The following GPC5 variants were observed in gnomAD, a reference collection of about 807,000 sequenced individuals.
GPC5 encodes the protein glypican-5.
Under a neutral mutation model 53.9 loss-of-function variants are expected in GPC5, and 47 were observed. That is an observed-to-expected ratio of 0.87 (90% CI 0.69 to 1.11). The LOEUF is 1.11. GPC5 is among the 50% of genes most tolerant of loss of function. The probability of loss-of-function intolerance (pLI) is 0.00; values close to 1 mark genes in which losing one functional copy is unlikely to be tolerated. For missense variants in GPC5, 748 were observed against 713.1 expected, an observed-to-expected ratio of 1.05 and a Z score of -0.56; for synonymous variants, 286 against 263.3, an observed-to-expected ratio of 1.09 and a Z score of -0.84.
At chr13:92,069,925 C>A (rs181215192) in intron 6 of GPC5, among the ~76,000 whole-genome samples, 267 of 152,216 alleles carry the variant, frequency 1.8e-3, no homozygotes, top group Middle Eastern at 0.014. Context: ...ATCCTTGAGA[C>A]CTGAATATGC....
chr13:92,792,712 C>CA (rs1278749514), intron 7 of GPC5, among the ~76,000 whole-genome samples: 1 of 151,662 alleles, frequency 6.6e-6, no homozygotes, highest in East Asian at 1.9e-4. Context: ...AAATGGAAAG[C>CA]AAAAAAAGCA....
chr13:92,676,676 T>C (rs1429746644), intron 7 of GPC5, among the ~76,000 whole-genome samples: 1 of 152,172 alleles, frequency 6.6e-6, no homozygotes, highest in East Asian at 1.9e-4. Context: ...AGACCGACAT[T>C]GAGCCTACCC....
At chr13:92,398,428 C>CAAAAAAAAAAAAAAAAAAAAAAAAAAAAA (rs35873316) in intron 7 of GPC5, among the ~76,000 whole-genome samples, 3 of 87,650 alleles carry the variant, frequency 3.4e-5, no homozygotes, top group African/African-American at 1.0e-4. Context: ...GACTCCGTCT[C>CAAAAAAAAAAAAAAAAAAAAAAAAAAAAA]AAAAAAAAAA....
chr13:92,742,992 G>A (rs1337378886), intron 7 of GPC5, among the ~76,000 whole-genome samples: 1 of 152,104 alleles, frequency 6.6e-6, no homozygotes, highest in Non-Finnish European at 1.5e-5. Context: ...TAGCCTTGTA[G>A]CATAGTTTGA....
intron 6 of GPC5, among the ~76,000 whole-genome samples, chr13:91,945,965 C>G (rs2039970824): frequency 6.6e-6 from 1 of 152,110 alleles, no homozygotes; most frequent in Admixed American, 6.5e-5. Context: ...TCTCCATCTC[C>G]CTGAAGACTC....
intron 7 of GPC5, among the ~76,000 whole-genome samples, chr13:92,189,459 G>A (rs1200360161): frequency 6.6e-6 from 1 of 152,016 alleles, no homozygotes; most frequent in East Asian, 1.9e-4. Context: ...AGAAGTTCAG[G>A]CTCACTAAAA....
intron 7 of GPC5, among the ~76,000 whole-genome samples, chr13:92,701,232 A>T (rs1887728312): frequency 6.6e-6 from 1 of 152,126 alleles, no homozygotes; most frequent in Non-Finnish European, 1.5e-5. Context: ...AAAAGGAAAT[A>T]AGTCATACAA....
rs71113743 is a variant in GPC5 at position 91,478,881 on chromosome 13, TTA to T, written c.325+29979_325+29980del. Reference sequence around the variant, plus strand: ...ATATACACACACATATATATACACATTATATATATATATATATATATGCACAT... The same window carrying T: ...ATATACACACACATATATATACACATTATATATATATATATATATGCACAT... On this transcript the variant is annotated intron_variant, in intron 2 of 7. Transcript: ENST00000377067. 4.0e-4 allele frequency among the ~76,000 whole-genome samples: 27 copies of T among 67,514 alleles called. 1 individual carries two copies. The highest frequency in any genetic ancestry group is 1.8e-3 in the Admixed American group (9 of 5,076). The allele number at this position is 67,514 out of a possible 152,430, so 44.3% of individuals were successfully genotyped here. A position where few individuals can be genotyped will look rare whatever the true frequency, so the allele number is the denominator to read the frequency against.
intron 2 of GPC5, among the ~76,000 whole-genome samples, chr13:91,678,662 A>C (rs1184914141): frequency 6.6e-6 from 1 of 152,182 alleles, no homozygotes; most frequent in African/African-American, 2.4e-5. Context: ...GTGACTAGAC[A>C]TAATAAAAAT....
intron 7 of GPC5, among the ~76,000 whole-genome samples, chr13:92,438,618 G>C (rs1386415617): frequency 6.6e-6 from 1 of 152,020 alleles, no homozygotes; most frequent in African/African-American, 2.4e-5. Flanking sequence ...AGAGCTTTCA[G>C]AGGTATAGAA....
chr13:91,974,063 T>A (rs2040272091), intron 6 of GPC5, among the ~76,000 whole-genome samples: 1 of 152,146 alleles, frequency 6.6e-6, no homozygotes, highest in South Asian at 2.1e-4. Context: ...TTTTCGTTTG[T>A]CTTTGCCCTC....
chr13:91,624,621 C>T (rs191445578), intron 2 of GPC5, among the ~76,000 whole-genome samples: 1 of 151,738 alleles, frequency 6.6e-6, no homozygotes, highest in Non-Finnish European at 1.5e-5. Context: ...ATTAATCAAC[C>T]ATATGCTTGA....
intron 7 of GPC5, among the ~76,000 whole-genome samples, chr13:92,732,952 G>A (rs1262069036): frequency 6.6e-6 from 1 of 151,450 alleles, no homozygotes; most frequent in African/African-American, 2.4e-5. Flanking sequence ...TTTGTCACTT[G>A]CCCCAAGGTC....
chr13:92,133,596 T>C (rs1385615572), intron 6 of GPC5, among the ~76,000 whole-genome samples: 2 of 152,162 alleles, frequency 1.3e-5, no homozygotes, highest in Non-Finnish European at 2.9e-5. Flanking sequence ...ACTTTGGCAT[T>C]GTATCATGAT....
rs141293269 is a variant in GPC5 at position 91,924,311 on chromosome 13, A to G, written c.1401+16254A>G. On this transcript the variant is annotated intron_variant, in intron 6 of 7. Transcript: ENST00000377067. ...TTATTTTATATCATCCAAAAGCACA[A>G]AAGTCTTATTAGAATACTAATTTCA... Among the ~76,000 whole-genome samples, 4 of 152,348 alleles carry G rather than the reference A, an allele frequency of 2.6e-5. No homozygotes were observed. The East Asian group carries it at 7.7e-4, about 29-fold the overall frequency.
chr13:92,788,593 T>C (rs1876345911), intron 7 of GPC5, among the ~76,000 whole-genome samples: 1 of 152,348 alleles, frequency 6.6e-6, no homozygotes, highest in Non-Finnish European at 1.5e-5. Context: ...CAAGAGCTCA[T>C]GACCTTCCCA....
At chr13:91,777,869 C>T (rs1040695954) in intron 5 of GPC5, among the ~76,000 whole-genome samples, 1 of 152,124 alleles carries the variant, frequency 6.6e-6, no homozygotes, top group African/African-American at 2.4e-5. Flanking sequence ...ACTTCCTCTT[C>T]ATAGTGACAT....
intron 7 of GPC5, among the ~76,000 whole-genome samples, chr13:92,656,023 T>C (rs924257002): frequency 3.3e-5 from 5 of 151,780 alleles, no homozygotes; most frequent in African/African-American, 1.2e-4. Flanking sequence ...ATAACTGTAA[T>C]ATACAATGAA....
intron 7 of GPC5, among the ~76,000 whole-genome samples, chr13:92,563,285 C>T (rs558620856): frequency 1.3e-5 from 2 of 151,778 alleles, no homozygotes; most frequent in Non-Finnish European, 2.9e-5. Context: ...AAAAAGAGCC[C>T]CTCTCCCCAA....
Sources: allele counts gnomAD v4.1 joint callset (sites outside exome capture counted in the v4.1 genomes callset), GRCh38; gene constraint gnomAD v4.1.1; transcripts MANE v1.5; gene names NCBI Gene and HGNC (gene_info 2026-07-23, HGNC 2026-07-21).